Variants in PTPRM observed in about 807,000 individuals in gnomAD.
The protein encoded by PTPRM is receptor-type tyrosine-protein phosphatase mu.
Under a neutral mutation model 186.7 loss-of-function variants are expected in PTPRM, and 47 were observed. The ratio of observed to expected loss-of-function variants is 0.25; its 90% CI spans 0.20 to 0.32. The LOEUF (loss-of-function observed/expected upper bound fraction) is 0.32. Among genes scored for constraint, PTPRM ranks in the 10% least tolerant of loss-of-function variants. The pLI is 1.00. For synonymous variants in PTPRM, 668 were observed against 674.9 expected (o/e 0.99, Z 0.16); for missense variants, 1,494 against 1,865.0 (o/e 0.80, Z 3.66).
intron 3 of PTPRM, among the ~76,000 whole-genome samples, chr18:7,891,702 C>A (rs767600383): frequency 7.9e-5 from 12 of 151,936 alleles, no homozygotes; most frequent in Non-Finnish European, 1.6e-4. Flanking sequence ...TGGTGAAACC[C>A]CATCTTTACT....
chr18:7,728,713 A>G (rs1598446787), intron 1 of PTPRM, among the ~76,000 whole-genome samples: 1 of 152,338 alleles, frequency 6.6e-6, no homozygotes, highest in South Asian at 2.1e-4. Context: ...AGGTTTCACC[A>G]GGGACCCTTC....
intron 2 of PTPRM, among the ~76,000 whole-genome samples, chr18:7,806,483 C>T (rs1416486020): frequency 2.0e-5 from 3 of 152,072 alleles, no homozygotes; most frequent in African/African-American, 7.2e-5. Context: ...TAATCACAGA[C>T]TAATTTGGGG....
At chr18:7,993,328 A>T (rs2083362311) in intron 7 of PTPRM, among the ~76,000 whole-genome samples, 1 of 152,076 alleles carries the variant, frequency 6.6e-6, no homozygotes, top group Non-Finnish European at 1.5e-5. Context: ...AATAATAAAA[A>T]TTTCTTAAAT....
At chr18:8,289,526 A>ACG (rs34499532) in intron 19 of PTPRM, among the ~76,000 whole-genome samples, 2 of 98,264 alleles carry the variant, frequency 2.0e-5, no homozygotes, top group Admixed American at 1.1e-4. Flanking sequence ...ATATATATAC[A>ACG]TATATATACA....
At chr18:8,054,780 T>C (rs1313158034) in intron 7 of PTPRM, among the ~76,000 whole-genome samples, 1 of 152,122 alleles carries the variant, frequency 6.6e-6, no homozygotes, top group Non-Finnish European at 1.5e-5. Context: ...TCAAAACTCA[T>C]TTTTCTTTTT....
In PTPRM at chr18:8,394,564, G is replaced by T. The variant is rs368527318; in HGVS notation, c.4297G>T (p.Ala1433Ser). 1.9e-6 allele frequency: 3 copies of T among 1,613,634 alleles called. No individual in the cohort carries two copies. The Admixed American group carries it at 5.0e-5, about 27-fold the overall frequency. ...CCAGAGAACCGTGGATGTCTTTCAC[G>T]CTGTGAAGACACTGAGGAACAACAA... ...RHQRTVDVFH[A>S]VKTLRNNKPN... The change falls in exon 32 of 33, where the codon GCT becomes TCT. Residue 1433 changes from alanine to serine, a missense_variant. This residue lies in a region of PTPRM where 1,107 missense variants were observed against 1,350.2 expected (regional missense o/e 0.82). Transcript: ENST00000580170.
intron 1 of PTPRM, among the ~76,000 whole-genome samples, chr18:7,682,520 G>A (rs1343692536): frequency 6.6e-6 from 1 of 152,128 alleles, no homozygotes; most frequent in Non-Finnish European, 1.5e-5. Flanking sequence ...CTCAGGGTAT[G>A]GGACAATTGT....
chr18:7,676,795 A>G (rs1259539017), intron 1 of PTPRM, among the ~76,000 whole-genome samples: 1 of 152,216 alleles, frequency 6.6e-6, no homozygotes, highest in East Asian at 1.9e-4. Flanking sequence ...AATGTGCCAG[A>G]TTATTTAAAA....
chr18:8,376,984 T>C (rs1319196867), intron 26 of PTPRM: 1 of 171,562 alleles, frequency 5.8e-6, no homozygotes, highest in Non-Finnish European at 1.3e-5. Context: ...CTGTGCACTT[T>C]GTTCTTCTCC....
At chr18:8,045,755 A>G (rs759449534) in intron 7 of PTPRM, among the ~76,000 whole-genome samples, 7 of 152,348 alleles carry the variant, frequency 4.6e-5, no homozygotes, top group Middle Eastern at 3.4e-3. Context: ...TGATGGTCAC[A>G]CAGGTCTGTG....
intron 19 of PTPRM, among the ~76,000 whole-genome samples, chr18:8,285,732 C>G (rs2094949764): frequency 1.3e-5 from 2 of 152,184 alleles, no homozygotes; most frequent in Admixed American, 1.3e-4. Flanking sequence ...TGGCTCACGA[C>G]TGTAATCCCA....
intron 5 of PTPRM, among the ~76,000 whole-genome samples, chr18:7,938,215 A>G (rs1158924006): frequency 6.6e-6 from 1 of 152,242 alleles, no homozygotes; most frequent in Admixed American, 6.5e-5. Flanking sequence ...GTGCATACTG[A>G]CAATTCCTAT....
intron 21 of PTPRM, among the ~76,000 whole-genome samples, chr18:8,316,190 C>T (rs778618426): frequency 4.6e-5 from 7 of 152,160 alleles, no homozygotes; most frequent in Non-Finnish European, 7.3e-5. Flanking sequence ...CAGGGGACAC[C>T]GTTCACACTC....
chr18:8,277,039 T>C (rs1450890118), intron 19 of PTPRM, among the ~76,000 whole-genome samples: 2 of 152,010 alleles, frequency 1.3e-5, no homozygotes, highest in East Asian at 3.9e-4. Flanking sequence ...TGGGTTCAAT[T>C]GATTCTCCTG....
chr18:7,887,938 T>TAGG (rs1261151663), intron 2 of PTPRM, 168 bp from the exon 3 acceptor site: 2 of 810,280 alleles, frequency 2.5e-6, no homozygotes, highest in Non-Finnish European at 4.4e-6. Flanking sequence ...AGGGGGATGA[T>TAGG]AGGAGGAGGA....
intron 1 of PTPRM, among the ~76,000 whole-genome samples, chr18:7,595,954 GA>G (rs1247599146): frequency 2.6e-5 from 4 of 152,274 alleles, no homozygotes; most frequent in Non-Finnish European, 5.9e-5. Context: ...TGAATCATTT[GA>G]ATCTTTTCCC....
intron 7 of PTPRM, among the ~76,000 whole-genome samples, chr18:7,984,824 CAT>C (rs1282714638): frequency 5.3e-5 from 7 of 131,592 alleles, no homozygotes; most frequent in African/African-American, 1.7e-4. Context: ...ATTATATACA[CAT>C]ATATAAATAT....
chr18:7,725,879 G>A lies in PTPRM; in HGVS notation c.74-48270G>A, dbSNP rs1158080492. ...AAGAACTTGGGTGCCACAAGTGTGG[G>A]TGCAAACGGTTGTCACACTGACCGT... On this transcript the variant is annotated intron_variant, in intron 1 of 32. Coordinates refer to ENST00000580170, the MANE Select transcript of PTPRM (RefSeq NM_001105244.2). Among the ~76,000 whole-genome samples, 3 of 152,136 alleles carry A rather than the reference G, an allele frequency of 2.0e-5. No homozygotes were observed. The East Asian group carries it at 5.8e-4, about 29-fold the overall frequency.
At chr18:8,239,522 T>C (rs189238778) in intron 14 of PTPRM, among the ~76,000 whole-genome samples, 1 of 152,084 alleles carries the variant, frequency 6.6e-6, no homozygotes, top group African/African-American at 2.4e-5. Context: ...AGTTTTTACC[T>C]CTAAGATGTG....
Sources: allele counts gnomAD v4.1 joint callset (sites outside exome capture counted in the v4.1 genomes callset), GRCh38; gene constraint gnomAD v4.1.1; regional missense constraint gnomAD v4.1.1; transcripts MANE v1.5; gene names NCBI Gene and HGNC (gene_info 2026-07-23, HGNC 2026-07-21).